DOK3: variants seen among roughly 807,000 people sequenced by gnomAD.
The protein encoded by DOK3 is Dok-like protein.
In DOK3, 23 loss-of-function variants were observed where a neutral mutation model predicts 26.2. That is an observed-to-expected ratio of 0.88 (90% CI 0.63 to 1.24). The LOEUF is 1.24. DOK3 is among the 50% of genes most tolerant of loss of function. The pLI is 0.00. For missense variants in DOK3, 619 were observed against 610.6 expected (o/e 1.01, Z -0.15); for synonymous variants, 268 against 268.2 (o/e 1.00, Z 0.01).
At position 177,509,602 on chromosome 5, in the gene DOK3, G is replaced by C. The variant is rs376828039; in HGVS notation, c.-62C>G. On this transcript the variant is annotated 5_prime_UTR_variant, in exon 2 of 6. Transcript: ENST00000510898. Reference sequence around the variant, plus strand: ...TGGGGAGACTGATGACAGGCTGGACGGGAACTCCTCACACTTCCCCTTCTG... The same window carrying C: ...TGGGGAGACTGATGACAGGCTGGACCGGAACTCCTCACACTTCCCCTTCTG... The C allele has an allele frequency of 1.3e-6, 2 of 1,599,436 alleles. No homozygotes were observed. Among genetic ancestry groups the C allele is most frequent in the Non-Finnish European group, 1.7e-6 (2 of 1,173,548 alleles).
In DOK3 at chr5:177,504,925, G is replaced by T. The variant is rs778233390; in HGVS notation, c.473-10C>A. ...ACGGGAAACTCGCCCACTGTGGCAGGTGGCCAGGACAGCTCCGTCAGTCCC... is the reference window on the plus strand; with the variant it reads ...ACGGGAAACTCGCCCACTGTGGCAGTTGGCCAGGACAGCTCCGTCAGTCCC... On this transcript the variant is annotated splice_polypyrimidine_tract_variant and intron_variant, in intron 4 of 5. Coordinates refer to ENST00000510898, the MANE Select transcript of DOK3 (RefSeq NM_001308236.3). 1 of 1,582,336 alleles carries T rather than the reference G, an allele frequency of 6.3e-7. No individual in the cohort carries two copies. The highest frequency in any genetic ancestry group is 1.2e-5 in the South Asian group (1 of 86,218).
chr5:177,509,316 C>G, intron 2 of DOK3, 159 bp downstream of exon 2: 1 of 915,014 alleles, frequency 1.1e-6, no homozygotes, highest in South Asian at 1.7e-5. Context: ...GGCTGACACC[C>G]GCACTCCATT....
rs1759399981 is a variant in DOK3 at position 177,501,960 on chromosome 5, C to T, written c.*2023G>A. 6.6e-6 allele frequency: 1 copy of T among 152,214 alleles called. No individual in the cohort carries two copies. The highest frequency in any genetic ancestry group is 1.5e-5 in the Non-Finnish European group (1 of 68,042). 9.4% of individuals were successfully genotyped at this position (152,214 alleles called of 1,614,324 possible). A position where few individuals can be genotyped will look rare whatever the true frequency, so the allele number is the denominator to read the frequency against. On this transcript the variant is annotated 3_prime_UTR_variant, in exon 6 of 6. Coordinates refer to ENST00000510898, the MANE Select transcript of DOK3 (RefSeq NM_001308236.3). ...AGATCACTCACAGAACATGCATGGA[C>T]ATTTTTACAGGCTTTCAGGAGATTC...
In DOK3 at chr5:177,504,552, C is replaced by T. The variant is rs770605296; in HGVS notation, c.754G>A (p.Ala252Thr). 57 of 1,592,836 alleles carry T rather than the reference C, an allele frequency of 3.6e-5. No homozygotes were observed. Among genetic ancestry groups the T allele is most frequent in the Admixed American group, 2.1e-4 (12 of 56,500 alleles). Reference protein sequence around the residue: ...DLCRAVAGAIARQRERLPELT... With the variant: ...DLCRAVAGAITRQRERLPELT... ...TCTGGCAGCCGCTCCCGCTGGCGGG[C>T]GATGGCCCCGGCCACAGCCCTGCAC... Residue 252 changes from alanine (A) to threonine (T), a missense_variant, in exon 6 of 6, where the codon GCC becomes ACC. By Grantham distance (58) the Ala-to-Thr change is moderately conservative. Transcript: ENST00000510898.
At position 177,509,562 on chromosome 5, in the gene DOK3, C is replaced by T. The variant is rs142992498; in HGVS notation, c.-22G>A. Reference sequence around the variant, plus strand: ...CCATGGTCACGGCCAGGAGCAGGGCCGCCGCTTCAAGACCTGGGGAGACTG... The same window carrying T: ...CCATGGTCACGGCCAGGAGCAGGGCTGCCGCTTCAAGACCTGGGGAGACTG... On this transcript the variant is annotated 5_prime_UTR_variant, in exon 2 of 6. Coordinates refer to ENST00000510898, the MANE Select transcript of DOK3 (RefSeq NM_001308236.3). 8.2e-5 allele frequency: 132 copies of T among 1,609,776 alleles called. No homozygotes were observed. Among genetic ancestry groups the T allele is most frequent in the Non-Finnish European group, 1.0e-4 (118 of 1,177,816 alleles).
At chr5:177,507,315 CGTTT>C (rs1760326925) in intron 3 of DOK3, among the ~76,000 whole-genome samples, 1 of 152,102 alleles carries the variant, frequency 6.6e-6, no homozygotes, top group South Asian at 2.1e-4. Flanking sequence ...CTGTGCCAGG[CGTTT>C]GTTTGTTTTT....
At chr5:177,505,804 T>G in intron 3 of DOK3, among the ~76,000 whole-genome samples, 1 of 152,068 alleles carries the variant, frequency 6.6e-6, no homozygotes, top group South Asian at 2.1e-4. Flanking sequence ...TGGCGCGATC[T>G]TGGCTCACTG....
Position 177,504,187 on chromosome 5 carries a change from A to T in DOK3, c.1119T>A (p.Ser373Arg). The stretch of plus-strand genomic sequence containing the variant: ...AGTCCTGGCCGTTGTGGTAGATGGG[A>T]CTGGTTGTGGGGCTGCGGCTGCCGG... ...EGPGSRSPTT[S>R]PIYHNGQDLS... is the part of the protein sequence containing the mutation. Residue 373 changes from serine (S) to arginine (R), a missense_variant, in exon 6 of 6, where the codon AGT (serine) becomes AGA (arginine). Ser to Arg is a moderately radical substitution (Grantham distance 110). Transcript: ENST00000510898. 1 of 1,613,556 alleles carries T rather than the reference A, an allele frequency of 6.2e-7. No individual in the cohort carries two copies. Among genetic ancestry groups the T allele is most frequent in the African/African-American group, 1.3e-5 (1 of 75,008 alleles).
rs951492841 is a variant in DOK3 at position 177,503,406 on chromosome 5, G to C, written c.*577C>G. ...TCCCAGAAGTATCTGCAAATTGTTG[G>C]AGTTTCAGCAGGGAACAAGTGTTTT... On this transcript the variant is annotated 3_prime_UTR_variant, in exon 6 of 6. Transcript: ENST00000510898. 1 of 1,530,636 alleles carries C rather than the reference G, an allele frequency of 6.5e-7. No individual in the cohort carries two copies. Among genetic ancestry groups the C allele is most frequent in the Admixed American group, 2.0e-5 (1 of 50,128 alleles). 94.8% of individuals were successfully genotyped at this position (1,530,636 alleles called of 1,614,324 possible).
At position 177,504,558 on chromosome 5, in the gene DOK3, C is replaced by A. The variant is rs745759101; in HGVS notation, c.748G>T (p.Ala250Ser). The change falls in exon 6 of 6, where the codon GCC (alanine) becomes TCC (serine). Residue 250 changes from alanine to serine, a missense_variant. By Grantham distance (99) the Ala-to-Ser change is moderately conservative. Coordinates refer to ENST00000510898, the MANE Select transcript of DOK3 (RefSeq NM_001308236.3). ...AGCCGCTCCCGCTGGCGGGCGATGG[C>A]CCCGGCCACAGCCCTGCACAGGTCA... ...APDLCRAVAG[A>S]IARQRERLPE... is the part of the protein sequence containing the mutation. 6.3e-7 allele frequency: 1 copy of A among 1,596,160 alleles called. No individual in the cohort carries two copies. Among genetic ancestry groups the A allele is most frequent in the Non-Finnish European group, 8.5e-7 (1 of 1,173,764 alleles).
At chr5:177,505,822 C>A (rs938552684) in intron 3 of DOK3, among the ~76,000 whole-genome samples, 7 of 151,876 alleles carry the variant, frequency 4.6e-5, no homozygotes, top group African/African-American at 1.7e-4. Context: ...CTGCAAGCTC[C>A]GCCTCCCAGG....
chr5:177,503,880 G>A lies in DOK3; in HGVS notation c.*103C>T. The A allele has an allele frequency of 1.4e-6, 2 of 1,442,302 alleles. No individual in the cohort carries two copies. The highest frequency in any genetic ancestry group is 1.8e-6 in the Non-Finnish European group (2 of 1,102,156). 89.3% of individuals were successfully genotyped at this position (1,442,302 alleles called of 1,614,324 possible). A position where few individuals can be genotyped will look rare whatever the true frequency, so the allele number is the denominator to read the frequency against. ...CTGCCTTGTTCCTGCAGGCCAGGGT[G>A]GACACAGGCGTGTGTCTGCATGGGC... On this transcript the variant is annotated 3_prime_UTR_variant, in exon 6 of 6. Transcript: ENST00000510898.
intron 3 of DOK3, among the ~76,000 whole-genome samples, chr5:177,506,854 T>A (rs1045386699): frequency 1.3e-5 from 2 of 151,524 alleles, no homozygotes; most frequent in African/African-American, 4.8e-5. Flanking sequence ...CATGCCCAGC[T>A]ACTTCTGTAT....
At position 177,504,709 on chromosome 5, in the gene DOK3, C is replaced by G. The variant is rs375567944; in HGVS notation, c.645+34G>C. 3 of 1,613,690 alleles carry G rather than the reference C, an allele frequency of 1.9e-6. No homozygotes were observed. The African/African-American group carries it at 4.0e-5, about 22-fold the overall frequency. ...GGATTAGCAGGAGGGTCCAGGGTGT[C>G]AGCCCCTCACCCTTTCCCACCCCTG... On this transcript the variant is annotated intron_variant, in intron 5 of 5. Coordinates refer to ENST00000510898, the MANE Select transcript of DOK3 (RefSeq NM_001308236.3).
At chr5:177,509,227 C>T (rs1400433762) in intron 2 of DOK3, 9 of 475,994 alleles carry the variant, frequency 1.9e-5, no homozygotes, top group East Asian at 3.9e-5. Context: ...TTTGAGCCTT[C>T]GACCCTCTCC....
At chr5:177,509,994 C>A, upstream of DOK3, 1 of 1,045,812 alleles carries the variant, frequency 9.6e-7, no homozygotes, top group Non-Finnish European at 1.4e-6. Flanking sequence ...CGCCTCACCC[C>A]ATCTTGCTGC....
chr5:177,508,824 G>A (rs1179707293), intron 2 of DOK3: 65 of 385,670 alleles, frequency 1.7e-4, no homozygotes, highest in Non-Finnish European at 4.6e-6. Context: ...GGTCATGTTT[G>A]TAAAGCATCC....
In DOK3 at chr5:177,502,153, C is replaced by T. The variant is rs1247486603; in HGVS notation, c.*1830G>A. 6.6e-6 allele frequency: 1 copy of T among 152,118 alleles called. No individual in the cohort carries two copies. Among genetic ancestry groups the T allele is most frequent in the African/African-American group, 2.4e-5 (1 of 41,402 alleles). The allele number at this position is 152,118 out of a possible 1,614,324, so 9.4% of individuals were successfully genotyped here. A position where few individuals can be genotyped will look rare whatever the true frequency, so the allele number is the denominator to read the frequency against. On this transcript the variant is annotated 3_prime_UTR_variant, in exon 6 of 6. Coordinates refer to ENST00000510898, the MANE Select transcript of DOK3 (RefSeq NM_001308236.3). ...CCGAGTGCTGCTGAGAAGTCAAAGT[C>T]CTTGTTGCTTTTGTTTTGGAGAATA...
At position 177,504,653 on chromosome 5, in the gene DOK3, A is replaced by G; in HGVS notation, c.653T>C (p.Phe218Ser). The change falls in exon 6 of 6, where the codon TTC (phenylalanine) becomes TCC (serine). Residue 218 changes from phenylalanine to serine, a missense_variant. Physicochemically the swap from Phe to Ser is radical, Grantham distance 155. Coordinates refer to ENST00000510898, the MANE Select transcript of DOK3 (RefSeq NM_001308236.3). ...LRKFGSDKGV[F>S]SFEAGRRCHS... ...GCAGCGACGGCCGGCCTCAAAGGAG[A>G]ACACGCCCTGGGCACAGGGCACACG... 1 of 1,613,112 alleles carries G rather than the reference A, an allele frequency of 6.2e-7. No homozygotes were observed. The highest frequency in any genetic ancestry group is 1.1e-5 in the South Asian group (1 of 91,078).
Sources: allele counts gnomAD v4.1 joint callset (sites outside exome capture counted in the v4.1 genomes callset), GRCh38; gene constraint gnomAD v4.1.1; transcripts MANE v1.5; gene names NCBI Gene and HGNC (gene_info 2026-07-23, HGNC 2026-07-21).